The following PRCC variants were observed in gnomAD, a reference collection of about 807,000 sequenced individuals.
The protein encoded by PRCC is proline-rich protein PRCC.
In PRCC, 10 loss-of-function variants were observed where a neutral mutation model predicts 44.0. The ratio of observed to expected loss-of-function variants is 0.23; its 90% CI spans 0.14 to 0.39. The LOEUF is 0.39. PRCC is among the 10% of genes least tolerant of loss of function. PRCC has a pLI of 1.00. For missense variants in PRCC, 573 were observed against 624.7 expected, an observed-to-expected ratio of 0.92 and a Z score of 0.88; for synonymous variants, 278 against 259.5, an observed-to-expected ratio of 1.07 and a Z score of -0.69.
intron 1 of PRCC, among the ~76,000 whole-genome samples, chr1:156,775,412 A>T (rs139999989): frequency 2.0e-5 from 3 of 150,682 alleles, no homozygotes; most frequent in Non-Finnish European, 3.0e-5. Flanking sequence ...GTGTAGTGGC[A>T]CAATCTTAGC....
chr1:156,794,954 C>A, intron 5 of PRCC, 146 bp downstream of exon 5: 1 of 976,110 alleles, frequency 1.0e-6, no homozygotes, highest in Non-Finnish European at 1.5e-6. Context: ...GGAGTATGCA[C>A]TAAACCTCAC....
At chr1:156,787,249 A>G (rs921473588) in intron 3 of PRCC, 75 bp downstream of exon 3, 3 of 1,467,968 alleles carry the variant, frequency 2.0e-6, no homozygotes, top group African/African-American at 1.4e-5. Flanking sequence ...AGCTAGTGAT[A>G]CAGCCTCTGT....
intron 6 of PRCC, 70 bp downstream of exon 6, chr1:156,797,411 C>CT: frequency 6.4e-7 from 1 of 1,570,036 alleles, no homozygotes; most frequent in Non-Finnish European, 8.8e-7. Flanking sequence ...GGCTGAGATA[C>CT]GAGTTAGAAG....
chr1:156,791,780 C>T lies in PRCC; in HGVS notation c.1167C>T (p.Ile389=), dbSNP rs760889165. 5 of 1,613,532 alleles carry T rather than the reference C, an allele frequency of 3.1e-6. No individual in the cohort carries two copies. Among genetic ancestry groups the T allele is most frequent in the Admixed American group, 1.7e-5 (1 of 59,968 alleles). ...PQEIAPDASF[I]DDEAFKRLQG... ...AAATTGCCCCAGATGCCTCCTTCATCGATGACGAAGCAGTAAGTTAAGAAA... is the reference window on the plus strand; with the variant it reads ...AAATTGCCCCAGATGCCTCCTTCATTGATGACGAAGCAGTAAGTTAAGAAA... The change falls in exon 4 of 7, where the codon ATC becomes ATT. Residue 389 remains isoleucine (I), a synonymous_variant. Transcript: ENST00000271526.
At chr1:156,775,257 AT>A (rs1197265611) in intron 1 of PRCC, among the ~76,000 whole-genome samples, 3 of 151,758 alleles carry the variant, frequency 2.0e-5, no homozygotes, top group Non-Finnish European at 2.9e-5. Flanking sequence ...CAAAAAAAAA[AT>A]TGTTTTTGTG....
Position 156,786,889 on chromosome 1 carries a change from C to G in PRCC, c.798C>G (p.Asp266Glu). The stretch of plus-strand genomic sequence containing the variant: ...AGCAGATCACGCAGGAAGAAGACGA[C>G]AGTGATGAGGAAGTAGCCCCCGAAA... ...VTKQITQEED[D>E]SDEEVAPENF... Residue 266 changes from aspartate to glutamate, a missense_variant, in exon 3 of 7, where the codon GAC becomes GAG. Physicochemically the swap from Asp to Glu is conservative, Grantham distance 45 (BLOSUM62 2). Coordinates refer to ENST00000271526, the MANE Select transcript of PRCC (RefSeq NM_005973.5). 1.2e-6 allele frequency: 2 copies of G among 1,614,244 alleles called. No homozygotes were observed. The highest frequency in any genetic ancestry group is 1.7e-6 in the Non-Finnish European group (2 of 1,180,044).
chr1:156,792,053 CTTTT>C (rs67388360), intron 4 of PRCC, among the ~76,000 whole-genome samples: 713 of 58,456 alleles, frequency 0.012, 4 homozygotes, highest in South Asian at 0.055. Context: ...TAGTCCCCTT[CTTTT>C]TTTTTTTTTT....
intron 1 of PRCC, among the ~76,000 whole-genome samples, chr1:156,768,923 G>C (rs1392029243): frequency 6.6e-6 from 1 of 152,172 alleles, no homozygotes; most frequent in Non-Finnish European, 1.5e-5. Context: ...CTGAACCTCA[G>C]ATCTGTGCCT....
Position 156,782,389 on chromosome 1 carries a change from G to A in PRCC, c.516+60G>A. Reference sequence around the variant, plus strand: ...TCCTGTATTATTTCCTCAAAGACAGGACTTACAGTATCCAGCAGTTTTCAG... The same window carrying A: ...TCCTGTATTATTTCCTCAAAGACAGAACTTACAGTATCCAGCAGTTTTCAG... On this transcript the variant is annotated intron_variant, in intron 2 of 6. Coordinates refer to ENST00000271526, the MANE Select transcript of PRCC (RefSeq NM_005973.5). The A allele has an allele frequency of 4.1e-6, 6 of 1,454,788 alleles. No individual in the cohort carries two copies. The South Asian group carries it at 4.8e-5, about 12-fold the overall frequency. The allele number at this position is 1,454,788 out of a possible 1,614,324, so 90.1% of individuals were successfully genotyped here.
intron 1 of PRCC, among the ~76,000 whole-genome samples, chr1:156,779,852 C>T (rs978701641): frequency 7.9e-5 from 12 of 151,514 alleles, no homozygotes; most frequent in Admixed American, 7.9e-4. Flanking sequence ...AGGAAGTGCT[C>T]CCAAAGTGCC....
chr1:156,773,696 G>A lies in PRCC; in HGVS notation c.468+5457G>A, dbSNP rs534633802. On this transcript the variant is annotated intron_variant, in intron 1 of 6. Transcript: ENST00000271526. ...ATTTAATATACTCTTGAGGAAAACA[G>A]TTTGGCAGTTCCTCAAAAGGTTAAA... is the stretch of plus-strand genomic sequence containing the variant. Among the ~76,000 whole-genome samples the A allele has an allele frequency of 1.4e-4, 22 of 152,260 alleles. 1 individual carries two copies. The South Asian group carries it at 4.4e-3, about 30-fold the overall frequency.
chr1:156,793,231 C>T (rs1445361712), intron 4 of PRCC, among the ~76,000 whole-genome samples: 3 of 152,192 alleles, frequency 2.0e-5, no homozygotes, highest in Non-Finnish European at 4.4e-5. Context: ...TAGTTGGTTT[C>T]TTTGGGAACC....
intron 1 of PRCC, among the ~76,000 whole-genome samples, chr1:156,775,532 A>T (rs1327244486): frequency 1.4e-5 from 2 of 143,250 alleles, no homozygotes; most frequent in Non-Finnish European, 3.0e-5. Context: ...TTTTTTTGAG[A>T]CAGAGTCTCG....
intron 1 of PRCC, among the ~76,000 whole-genome samples, chr1:156,772,801 G>A (rs1281360396): frequency 6.6e-6 from 1 of 152,210 alleles, no homozygotes; most frequent in Non-Finnish European, 1.5e-5. Context: ...GGGAGAGTGT[G>A]CTTATCTGTG....
chr1:156,779,754 T>A (rs905535678), intron 1 of PRCC, among the ~76,000 whole-genome samples: 6 of 151,248 alleles, frequency 4.0e-5, no homozygotes, highest in East Asian at 1.9e-4. Flanking sequence ...TTCTTTTTTT[T>A]AAATATTAGA....
rs749805693 is a variant in PRCC at position 156,786,857 on chromosome 1, G to A, written c.766G>A (p.Val256Met). Residue 256 changes from valine to methionine, a missense_variant, in exon 3 of 7, where the codon GTG becomes ATG. This residue lies in a region of PRCC where 118 missense variants were observed against 166.7 expected (regional missense o/e 0.71). Transcript: ENST00000271526. The stretch of plus-strand genomic sequence containing the variant: ...TGCTGCCAAGAGTGCTGCCCTGCAG[G>A]TGACAAAGCAGATCACGCAGGAAGA... ...KAAAKSAALQ[V>M]TKQITQEEDD... is the part of the protein sequence containing the mutation. 3 of 1,614,218 alleles carry A rather than the reference G, an allele frequency of 1.9e-6. No homozygotes were observed. In the East Asian group the frequency reaches 6.7e-5, roughly 36 times the overall value.
At chr1:156,790,382 G>C (rs1652430466) in intron 3 of PRCC, among the ~76,000 whole-genome samples, 1 of 152,226 alleles carries the variant, frequency 6.6e-6, no homozygotes, top group Admixed American at 6.5e-5. Flanking sequence ...CAGCACTTTG[G>C]GAGGCCAAGG....
rs138150444 is a variant in PRCC at position 156,782,405 on chromosome 1, C to G, written c.516+76C>G. On this transcript the variant is annotated intron_variant, in intron 2 of 6. Transcript: ENST00000271526. Reference sequence around the variant, plus strand: ...CAAAGACAGGACTTACAGTATCCAGCAGTTTTCAGATTAGGCTTAGAGCAA... The same window carrying G: ...CAAAGACAGGACTTACAGTATCCAGGAGTTTTCAGATTAGGCTTAGAGCAA... 924 of 1,369,476 alleles carry G rather than the reference C, an allele frequency of 6.7e-4. 9 individuals carry two copies. The African/African-American group carries it at 0.012, about 17-fold the overall frequency. 84.8% of individuals were successfully genotyped at this position (1,369,476 alleles called of 1,614,324 possible).
chr1:156,779,549 C>T (rs1013956180), intron 1 of PRCC, among the ~76,000 whole-genome samples: 11 of 151,108 alleles, frequency 7.3e-5, no homozygotes, highest in South Asian at 2.1e-4. Context: ...TTGTATTTTT[C>T]GTAGAGACGA....
Sources: allele counts gnomAD v4.1 joint callset (sites outside exome capture counted in the v4.1 genomes callset), GRCh38; gene constraint gnomAD v4.1.1; regional missense constraint gnomAD v4.1.1; transcripts MANE v1.5; gene names NCBI Gene and HGNC (gene_info 2026-07-23, HGNC 2026-07-21).